The following VAV3 variants were observed in gnomAD, a reference collection of about 807,000 sequenced individuals.
VAV3 encodes vav guanine nucleotide exchange factor 3, also known as guanine nucleotide exchange factor VAV3.
In VAV3, 94 loss-of-function variants were observed where a neutral mutation model predicts 131.2. That is an observed-to-expected ratio of 0.72 (90% CI 0.61 to 0.85). The LOEUF (loss-of-function observed/expected upper bound fraction) is 0.85. VAV3 is among the 40% of genes least tolerant of loss of function. The pLI is 0.00. For missense variants in VAV3, 939 were observed against 1,002.7 expected (o/e 0.94, Z 0.86); for synonymous variants, 349 against 342.0 (o/e 1.02, Z -0.22).
chr1:107,943,315 G>A (rs1029227022), intron 1 of VAV3, among the ~76,000 whole-genome samples: 7 of 152,006 alleles, frequency 4.6e-5, no homozygotes, highest in African/African-American at 1.7e-4. Context: ...TATCACAGGT[G>A]GCCTATTAAG....
At chr1:107,638,826 G>A (rs1489723964) in intron 20 of VAV3, among the ~76,000 whole-genome samples, 1 of 151,668 alleles carries the variant, frequency 6.6e-6, no homozygotes, top group Non-Finnish European at 1.5e-5. Flanking sequence ...GTACAAAGAT[G>A]GACAAAGAAA....
chr1:107,664,607 T>C (rs1367994777), intron 19 of VAV3, among the ~76,000 whole-genome samples: 1 of 152,198 alleles, frequency 6.6e-6, no homozygotes, highest in Non-Finnish European at 1.5e-5. Flanking sequence ...GATCACCTGC[T>C]ATGTTCCAGA....
At chr1:107,630,591 A>C (rs1654391490) in intron 20 of VAV3, among the ~76,000 whole-genome samples, 1 of 152,192 alleles carries the variant, frequency 6.6e-6, no homozygotes, top group South Asian at 2.1e-4. Context: ...TTGCTTCTCC[A>C]GAGCTAAGTG....
rs149937632 is a variant in VAV3, at chr1:107,910,249, G to A, written c.205-35232C>T. ...ACCCAATCTAAGCTTTTCCATACAC[G>A]GATAAGAACATAAAAGCAAAAATAA... On this transcript the variant is annotated intron_variant, in intron 1 of 26. Transcript: ENST00000370056. Among the ~76,000 whole-genome samples, 303 of 152,154 alleles carry A rather than the reference G, an allele frequency of 2.0e-3. 3 individuals are homozygous for A. The highest frequency in any genetic ancestry group is 6.9e-3 in the African/African-American group (288 of 41,508).
chr1:107,959,126 T>A (rs1485390974), intron 1 of VAV3, among the ~76,000 whole-genome samples: 1 of 151,920 alleles, frequency 6.6e-6, no homozygotes, highest in African/African-American at 2.4e-5. Context: ...CCAGGCGTGG[T>A]AGCACACACC....
intron 1 of VAV3, chr1:107,963,268 G>A (rs1385781118): frequency 2.0e-5 from 3 of 152,584 alleles, no homozygotes; most frequent in African/African-American, 7.2e-5. Context: ...TGGAAAATGG[G>A]GATGTGTGAG....
chr1:107,842,239 T>G (rs1668751137), intron 2 of VAV3, among the ~76,000 whole-genome samples: 1 of 152,184 alleles, frequency 6.6e-6, no homozygotes, highest in African/African-American at 2.4e-5. Context: ...TCCCAAATTC[T>G]AAAATGAGTC....
At chr1:107,842,787 G>T (rs1252338335) in intron 2 of VAV3, among the ~76,000 whole-genome samples, 1 of 151,996 alleles carries the variant, frequency 6.6e-6, no homozygotes, top group Non-Finnish European at 1.5e-5. Flanking sequence ...ACAGACTTAG[G>T]CAGATATCGT....
At chr1:107,757,356 A>C in intron 10 of VAV3, 27 bp from the exon 11 acceptor site, 3 of 1,570,486 alleles carry the variant, frequency 1.9e-6, no homozygotes, top group Non-Finnish European at 2.6e-6. Context: ...GTTTAGTACT[A>C]CTTTCATCAA....
rs568370732 is a variant in VAV3, at chr1:107,602,957, G to T, written c.2132+90C>A. 5.1e-6 allele frequency: 5 copies of T among 974,870 alleles called. No homozygotes were observed. In the Admixed American group the frequency reaches 6.6e-5, roughly 13 times the overall value. The allele number at this position is 974,870 out of a possible 1,614,324, so 60.4% of individuals were successfully genotyped here. On this transcript the variant is annotated intron_variant, in intron 23 of 26. Coordinates refer to ENST00000370056, the MANE Select transcript of VAV3 (RefSeq NM_006113.5). The stretch of plus-strand genomic sequence containing the variant: ...TATTTCTCCTTCAATTAGAACTTTG[G>T]TTTTCACCTTCAGTGTTATACATGT...
At chr1:107,908,964 A>G (rs1285021886) in intron 1 of VAV3, among the ~76,000 whole-genome samples, 1 of 152,100 alleles carries the variant, frequency 6.6e-6, no homozygotes, top group Non-Finnish European at 1.5e-5. Flanking sequence ...AAGTACAACA[A>G]CTGCTATTCA....
At chr1:107,599,950 C>T (rs6677892) in intron 24 of VAV3, among the ~76,000 whole-genome samples, 140,563 of 149,966 alleles carry the variant, frequency 0.94, 66,481 homozygotes, top group East Asian at 1. Context: ...TCCATGAAGT[C>T]TGTATGATCT....
intron 21 of VAV3, 24 bp from the exon 22 acceptor site, chr1:107,609,989 A>T (rs1244976822): frequency 6.2e-7 from 1 of 1,612,044 alleles, no homozygotes. Flanking sequence ...AAGCAAAAAC[A>T]GATTAAGTTT....
Position 107,814,077 on chromosome 1 carries a change from A to G in VAV3, c.322-34585T>C, listed in dbSNP as rs1034012600. ...ACAGGTAAACATTTAGGTTGATTCCATATCTTGGCAATTGTGAATAGTGCT... is the reference window on the plus strand; with the variant it reads ...ACAGGTAAACATTTAGGTTGATTCCGTATCTTGGCAATTGTGAATAGTGCT... On this transcript the variant is annotated intron_variant, in intron 2 of 26. Transcript: ENST00000370056. Among the ~76,000 whole-genome samples the G allele has an allele frequency of 4.8e-4, 73 of 151,444 alleles. 1 individual carries two copies. The highest frequency in any genetic ancestry group is 1.7e-3 in the African/African-American group (71 of 41,160).
chr1:107,675,007 G>T (rs1344039507), intron 19 of VAV3, among the ~76,000 whole-genome samples: 1 of 152,176 alleles, frequency 6.6e-6, no homozygotes, highest in African/African-American at 2.4e-5. Flanking sequence ...GAAAAGCAGT[G>T]TAAGTGAGTT....
intron 2 of VAV3, among the ~76,000 whole-genome samples, chr1:107,784,227 T>C (rs1665861898): frequency 6.6e-6 from 1 of 152,172 alleles, no homozygotes; most frequent in Non-Finnish European, 1.5e-5. Context: ...CTTTTTTCCT[T>C]TGCTTTATTA....
chr1:107,657,261 T>C (rs1302122850), intron 19 of VAV3, among the ~76,000 whole-genome samples: 2 of 152,120 alleles, frequency 1.3e-5, no homozygotes, highest in Non-Finnish European at 2.9e-5. Flanking sequence ...GGCCTCTGTA[T>C]CTTGAATAAT....
At chr1:107,608,798 T>C (rs537474140) in intron 22 of VAV3, among the ~76,000 whole-genome samples, 1 of 152,324 alleles carries the variant, frequency 6.6e-6, no homozygotes, top group South Asian at 2.1e-4. Flanking sequence ...AAATATCAGA[T>C]AACTCACATG....
intron 19 of VAV3, among the ~76,000 whole-genome samples, chr1:107,662,323 A>G (rs1292071390): frequency 6.6e-6 from 1 of 152,192 alleles, no homozygotes; most frequent in Non-Finnish European, 1.5e-5. Context: ...ACATTAGGGA[A>G]GCTCAAAAAA....
Sources: allele counts gnomAD v4.1 joint callset (sites outside exome capture counted in the v4.1 genomes callset), GRCh38; gene constraint gnomAD v4.1.1; transcripts MANE v1.5; gene names NCBI Gene and HGNC (gene_info 2026-07-23, HGNC 2026-07-21).